SFMBT2: variants seen among roughly 807,000 people sequenced by gnomAD.
The protein encoded by SFMBT2 is scm-like with four MBT domains protein 2.
Under a neutral mutation model 110.1 loss-of-function variants are expected in SFMBT2, and 38 were observed. The ratio of observed to expected loss-of-function variants is 0.35; its 90% confidence interval spans 0.27 to 0.45. The LOEUF (loss-of-function observed/expected upper bound fraction) is 0.45, where lower values mean the gene tolerates loss of function less well. SFMBT2 is among the 20% of genes least tolerant of loss of function. The pLI, the probability that SFMBT2 is intolerant of heterozygous loss-of-function variation, is 1.00. For missense variants in SFMBT2, 1,011 were observed against 1,094.9 expected (o/e 0.92, Z 1.08); for synonymous variants, 425 against 425.4 (o/e 1.00, Z 0.01).
chr10:7,254,209 C>T (rs564365615), intron 7 of SFMBT2, among the ~76,000 whole-genome samples: 13 of 152,242 alleles, frequency 8.5e-5, no homozygotes, highest in African/African-American at 2.9e-4. Flanking sequence ...ATGACAAAAA[C>T]CCAATGATGT....
chr10:7,223,828 A>G (rs1466915430), intron 10 of SFMBT2, among the ~76,000 whole-genome samples: 2 of 152,206 alleles, frequency 1.3e-5, no homozygotes, highest in African/African-American at 4.8e-5. Flanking sequence ...GTTTTGATTC[A>G]GTTGATTGTA....
At chr10:7,277,785 A>C (rs552276569) in intron 6 of SFMBT2, among the ~76,000 whole-genome samples, 51 of 152,358 alleles carry the variant, frequency 3.3e-4, no homozygotes, top group African/African-American at 1.2e-3. Context: ...TGCCTTCAAT[A>C]TATCAACCCA....
At chr10:7,215,579 C>T (rs1274779005) in intron 11 of SFMBT2, 1 of 985,322 alleles carries the variant, frequency 1.0e-6, no homozygotes, top group Non-Finnish European at 1.2e-6. Context: ...GCACTGGAAT[C>T]CCTCCCTAGG....
At chr10:7,335,620 C>CACACAG (rs1554806117) in intron 4 of SFMBT2, among the ~76,000 whole-genome samples, 1 of 150,750 alleles carries the variant, frequency 6.6e-6, no homozygotes, top group Admixed American at 6.6e-5. Context: ...CACACACACA[C>CACACAG]AACCATATAC....
At chr10:7,241,866 T>C (rs776396105) in intron 9 of SFMBT2, among the ~76,000 whole-genome samples, 5 of 152,216 alleles carry the variant, frequency 3.3e-5, no homozygotes, top group Admixed American at 6.5e-5. Context: ...AATGCTGATA[T>C]AAATACTTTT....
intron 15 of SFMBT2, among the ~76,000 whole-genome samples, chr10:7,197,330 T>C (rs752194303): frequency 1.3e-5 from 2 of 152,132 alleles, no homozygotes; most frequent in Non-Finnish European, 2.9e-5. Context: ...AAGGCAGATG[T>C]GTGTCCCTCC....
intron 1 of SFMBT2, among the ~76,000 whole-genome samples, chr10:7,382,624 G>C (rs1011332902): frequency 1.3e-5 from 2 of 151,322 alleles, no homozygotes; most frequent in African/African-American, 4.9e-5. Context: ...AAGCTATGTA[G>C]CAGCAACCTC....
chr10:7,158,737 A>C lies in SFMBT2; in HGVS notation c.*5033T>G, dbSNP rs1384229347. 2 of 152,204 alleles carry C rather than the reference A, an allele frequency of 1.3e-5. No individual in the cohort carries two copies. Among genetic ancestry groups the C allele is most frequent in the African/African-American group, 4.8e-5 (2 of 41,450 alleles). The allele number at this position is 152,204 out of a possible 1,614,324, so 9.4% of individuals were successfully genotyped here. On this transcript the variant is annotated 3_prime_UTR_variant, in exon 21 of 21. Coordinates refer to ENST00000397167, the MANE Select transcript of SFMBT2 (RefSeq NM_001387889.1). ...ATAACTCTGATATAGATTTTCATTT[A>C]TTTACATGAAAACATATATACAGAA...
chr10:7,315,099 A>G (rs989856141), intron 4 of SFMBT2, among the ~76,000 whole-genome samples: 1 of 146,256 alleles, frequency 6.8e-6, no homozygotes, highest in Non-Finnish European at 1.5e-5. Context: ...AAAGAAAGAA[A>G]GAAAGAAAGA....
At chr10:7,164,791 A>ACC (rs1554780018) in intron 20 of SFMBT2, among the ~76,000 whole-genome samples, 4,376 of 110,444 alleles carry the variant, frequency 0.04, 196 homozygotes, top group East Asian at 0.11. Context: ...ACACACACAC[A>ACC]CCATTTACAG....
chr10:7,191,028 C>T (rs769586703), intron 15 of SFMBT2, among the ~76,000 whole-genome samples: 14 of 150,924 alleles, frequency 9.3e-5, no homozygotes, highest in South Asian at 2.1e-4. Flanking sequence ...CCATGTAAGA[C>T]GTGCCTTTTG....
intron 2 of SFMBT2, among the ~76,000 whole-genome samples, chr10:7,378,693 CGGGTGTGTGCAT>C (rs1371111377): frequency 9.5e-6 from 1 of 105,572 alleles, no homozygotes; most frequent in African/African-American, 3.8e-5. Flanking sequence ...GGTGGATGGT[CGGGTGTGTGCAT>C]GGGTGTGTGT....
At chr10:7,406,587 C>A (rs1191178401) in intron 1 of SFMBT2, among the ~76,000 whole-genome samples, 1 of 152,070 alleles carries the variant, frequency 6.6e-6, no homozygotes, top group African/African-American at 2.4e-5. Flanking sequence ...GGAACCTTTT[C>A]TGGCTTTTTA....
chr10:7,339,404 G>C (rs1417356635), intron 4 of SFMBT2, among the ~76,000 whole-genome samples: 1 of 152,146 alleles, frequency 6.6e-6, no homozygotes, highest in Non-Finnish European at 1.5e-5. Context: ...AAAAATAAAT[G>C]GATATGTTCT....
Position 7,309,809 on chromosome 10 carries a change from G to T in SFMBT2, c.437-23855C>A, listed in dbSNP as rs183483111. 3.1e-3 allele frequency among the ~76,000 whole-genome samples: 471 copies of T among 152,272 alleles called. 3 individuals are homozygous for T. The highest frequency in any genetic ancestry group is 4.1e-3 in the Non-Finnish European group (280 of 68,020). ...TCCTTTCAAGAAAGGAGGAGGAGGA[G>T]GTGGGTGTCTGTAACAATGAAAAAC... On this transcript the variant is annotated intron_variant, in intron 4 of 20. Coordinates refer to ENST00000397167, the MANE Select transcript of SFMBT2 (RefSeq NM_001387889.1).
chr10:7,230,217 C>T (rs1227950021), intron 9 of SFMBT2, among the ~76,000 whole-genome samples: 2 of 152,062 alleles, frequency 1.3e-5, no homozygotes, highest in Non-Finnish European at 1.5e-5. Flanking sequence ...AGAGGTTCTT[C>T]GAGTTCTTCC....
chr10:7,206,104 T>C, intron 11 of SFMBT2, 176 bp from the exon 12 acceptor site: 1 of 985,378 alleles, frequency 1.0e-6, no homozygotes, highest in Non-Finnish European at 1.2e-6. Flanking sequence ...GAGTCTTTAA[T>C]CTTATCAGAG....
intron 16 of SFMBT2, among the ~76,000 whole-genome samples, chr10:7,186,219 C>T (rs969006817): frequency 6.6e-6 from 1 of 151,944 alleles, no homozygotes; most frequent in African/African-American, 2.4e-5. Context: ...GGTCTTTACT[C>T]TTAGGAGGTG....
chr10:7,303,100 T>A (rs1842598362), intron 4 of SFMBT2, among the ~76,000 whole-genome samples: 1 of 152,228 alleles, frequency 6.6e-6, no homozygotes, highest in Admixed American at 6.5e-5. Context: ...ATAACCAGAA[T>A]GCATTTGGAT....
Sources: gnomAD v4.1 joint callset for allele counts (sites outside exome capture counted in the v4.1 genomes callset) on GRCh38, gnomAD v4.1.1 for gene constraint, MANE v1.5 for transcripts, NCBI Gene and HGNC (gene_info 2026-07-23, HGNC 2026-07-21) for gene names.